The following RYR3 variants were observed in gnomAD, a reference collection of about 807,000 sequenced individuals.
RYR3 encodes ryanodine receptor 3.
In RYR3, 207 loss-of-function variants were observed where a neutral mutation model predicts 584.3. The ratio of observed to expected loss-of-function variants is 0.35; its 90% confidence interval spans 0.32 to 0.40. The LOEUF is 0.40. Among genes scored for constraint, RYR3 ranks in the 10% least tolerant of loss-of-function variants. The pLI is 1.00. For missense variants in RYR3, 5,616 were observed against 6,089.2 expected, an observed-to-expected ratio of 0.92 and a Z score of 2.59; for synonymous variants, 2,416 against 2,248.5, an observed-to-expected ratio of 1.07 and a Z score of -2.11.
chr15:33,757,933 C>T, intron 60 of RYR3: 1 of 276,698 alleles, frequency 3.6e-6, no homozygotes, highest in African/African-American at 2.2e-5. Context: ...GCATTTCCAA[C>T]TGAGGTACCC....
At chr15:33,550,123 G>A in intron 9 of RYR3, 37 bp from the exon 10 acceptor site, 1 of 1,601,022 alleles carries the variant, frequency 6.2e-7, no homozygotes, top group Non-Finnish European at 8.5e-7. Flanking sequence ...ACTTATTTTT[G>A]TATAAATGCA....
In RYR3 at chr15:33,785,836, G is replaced by A. The variant is rs770219178; in HGVS notation, c.9443G>A (p.Arg3148Gln). 1.2e-5 allele frequency: 20 copies of A among 1,613,662 alleles called. No homozygotes were observed. The highest frequency in any genetic ancestry group is 7.7e-5 in the South Asian group (7 of 91,060). ...AACTACTTGTCCTACTGGTGGGAGC[G>A]GGGTCCTGAGAACCTGCCCCCCAGC... is the stretch of plus-strand genomic sequence containing the variant. Reference protein sequence around the residue: ...LCNYLSYWWERGPENLPPSTG... With the variant: ...LCNYLSYWWEQGPENLPPSTG... Residue 3148 changes from arginine (R) to glutamine (Q), a missense_variant, in exon 66 of 104, where the codon CGG (arginine) becomes CAG (glutamine). By Grantham distance (43) the Arg-to-Gln change is conservative. Around this residue, in one of 9 missense-constraint regions of RYR3, gnomAD observed 954 missense variants for 1,132.2 expected, o/e 0.84. Coordinates refer to ENST00000634891, the MANE Select transcript of RYR3 (RefSeq NM_001036.6).
intron 1 of RYR3, among the ~76,000 whole-genome samples, chr15:33,444,304 A>G (rs1468127551): frequency 6.6e-6 from 1 of 152,188 alleles, no homozygotes; most frequent in Non-Finnish European, 1.5e-5. Context: ...GCCAATTTGC[A>G]TTTTAATTTG....
intron 52 of RYR3, among the ~76,000 whole-genome samples, chr15:33,744,378 A>G (rs2070470314): frequency 6.6e-6 from 1 of 152,182 alleles, no homozygotes; most frequent in Non-Finnish European, 1.5e-5. Context: ...CTGCCACTAG[A>G]TTGTAAGCTT....
At chr15:33,558,821 C>T (rs537496496) in intron 10 of RYR3, among the ~76,000 whole-genome samples, 1 of 152,256 alleles carries the variant, frequency 6.6e-6, no homozygotes, top group South Asian at 2.1e-4. Context: ...ACACTTGTTA[C>T]TCACAGTTCC....
intron 1 of RYR3, among the ~76,000 whole-genome samples, chr15:33,321,707 CA>C (rs150808561): frequency 6.6e-6 from 1 of 152,042 alleles, no homozygotes; most frequent in African/African-American, 2.4e-5. Context: ...AATAATAATA[CA>C]AAAAAACTAA....
chr15:33,821,498 T>A (rs1275463720), intron 79 of RYR3, 25 bp from the exon 80 acceptor site: 1 of 1,613,118 alleles, frequency 6.2e-7, no homozygotes, highest in Non-Finnish European at 8.5e-7. Context: ...TCCTTGGTGA[T>A]TCAATCGAAT....
chr15:33,443,272 A>C (rs1274047295), intron 1 of RYR3, among the ~76,000 whole-genome samples: 1 of 152,030 alleles, frequency 6.6e-6, no homozygotes, highest in Non-Finnish European at 1.5e-5. Context: ...AAAAAAAAAA[A>C]AACCCTGCAT....
At chr15:33,693,985 G>T (rs2065639941) in intron 38 of RYR3, among the ~76,000 whole-genome samples, 1 of 152,096 alleles carries the variant, frequency 6.6e-6, no homozygotes, top group Admixed American at 6.5e-5. Context: ...ATGGGTTGGT[G>T]GAGCTCAGCA....
intron 32 of RYR3, among the ~76,000 whole-genome samples, chr15:33,654,363 A>G (rs947868101): frequency 1.3e-5 from 2 of 152,102 alleles, no homozygotes; most frequent in African/African-American, 4.8e-5. Context: ...AAAAATAGAA[A>G]AATTAGCTGG....
At chr15:33,674,471 A>G (rs1424963409) in intron 38 of RYR3, among the ~76,000 whole-genome samples, 7 of 152,140 alleles carry the variant, frequency 4.6e-5, no homozygotes, top group Admixed American at 4.6e-4. Context: ...AGGTACTTGT[A>G]TATGTGTTTG....
At chr15:33,858,470 G>A (rs34765558) in intron 99 of RYR3, 5,555 of 141,660 alleles carry the variant, frequency 0.039, 149 homozygotes, top group Non-Finnish European at 0.061. Context: ...GCCTCCCAAA[G>A]TGCTGGGATT....
intron 102 of RYR3, among the ~76,000 whole-genome samples, chr15:33,863,542 G>C (rs1051727009): frequency 6.6e-6 from 1 of 152,168 alleles, no homozygotes; most frequent in African/African-American, 2.4e-5. Context: ...TGTGAGCTGA[G>C]AGTTCAGCCC....
rs531705725 is a variant in RYR3, at chr15:33,693,037, T to C, written c.5861-3181T>C. Among the ~76,000 whole-genome samples the C allele has an allele frequency of 2.6e-5, 4 of 152,310 alleles. No homozygotes were observed. The South Asian group carries it at 8.3e-4, about 32-fold the overall frequency. On this transcript the variant is annotated intron_variant, in intron 38 of 103. Transcript: ENST00000634891. ...CAGTGTGGCAGGGACTGGGATAGCA[T>C]GTATTATATCTGCAGAGAATTGTTT...
intron 101 of RYR3, 135 bp from the exon 102 acceptor site, chr15:33,860,943 C>A (rs1485992811): frequency 3.6e-5 from 23 of 639,574 alleles, no homozygotes; most frequent in Non-Finnish European, 5.2e-5. Context: ...TATGGCACTA[C>A]TGAGTGAATG....
chr15:33,750,536 C>A (rs1367857580), intron 57 of RYR3, among the ~76,000 whole-genome samples: 1 of 152,170 alleles, frequency 6.6e-6, no homozygotes, highest in African/African-American at 2.4e-5. Flanking sequence ...TTCATTGTAA[C>A]TTAAAATATA....
intron 70 of RYR3, among the ~76,000 whole-genome samples, chr15:33,808,342 A>G (rs536819195): frequency 6.6e-6 from 1 of 152,250 alleles, no homozygotes; most frequent in African/African-American, 2.4e-5. Context: ...TGGGAGGATC[A>G]TAAATGTTTT....
chr15:33,544,639 G>A (rs112568681), intron 8 of RYR3, among the ~76,000 whole-genome samples: 24 of 152,080 alleles, frequency 1.6e-4, no homozygotes, highest in East Asian at 5.8e-4. Context: ...AAGGACCCCC[G>A]CAGAAGCAAT....
intron 1 of RYR3, among the ~76,000 whole-genome samples, chr15:33,444,928 G>A (rs546404268): frequency 2.6e-5 from 4 of 152,026 alleles, no homozygotes; most frequent in East Asian, 1.9e-4. Flanking sequence ...TGGAGTGCGC[G>A]GCCCCTGTGC....
Sources: gnomAD v4.1 joint callset for allele counts (sites outside exome capture counted in the v4.1 genomes callset) on GRCh38, gnomAD v4.1.1 for gene constraint, gnomAD v4.1.1 regional missense constraint, MANE v1.5 for transcripts, NCBI Gene and HGNC (gene_info 2026-07-23, HGNC 2026-07-21) for gene names.